Variants in IFRD1 observed in about 807,000 individuals in gnomAD.
The protein encoded by IFRD1 is interferon-related developmental regulator 1.
A neutral mutation model predicts 52.9 loss-of-function variants in IFRD1; 35 were observed. The ratio of observed to expected loss-of-function variants is 0.66; its 90% CI spans 0.51 to 0.88. IFRD1 has a LOEUF of 0.88. Among genes scored for constraint, IFRD1 ranks in the 40% least tolerant of loss-of-function variants. IFRD1 has a pLI of 0.00. For missense variants in IFRD1, 517 were observed against 550.8 expected, an observed-to-expected ratio of 0.94 and a Z score of 0.61; for synonymous variants, 184 against 188.4, an observed-to-expected ratio of 0.98 and a Z score of 0.19.
chr7:112,465,850 A>G (rs1478952836), intron 8 of IFRD1, among the ~76,000 whole-genome samples: 2 of 152,186 alleles, frequency 1.3e-5, no homozygotes, highest in South Asian at 2.1e-4. Context: ...TGAGTTCTAT[A>G]TACCTCCAAG....
At chr7:112,456,792 G>A in intron 3 of IFRD1, 122 bp from the exon 4 acceptor site, 1 of 872,550 alleles carries the variant, frequency 1.1e-6, no homozygotes, top group Non-Finnish European at 1.8e-6. Flanking sequence ...GTTAGAGCTT[G>A]ATGAGAATTA....
Position 112,472,352 on chromosome 7 carries a change from G to A in IFRD1, c.1170+5G>A. Reference sequence around the variant, plus strand: ...GGGATGCAGTACCACTTGCAGGTAAGTGTCATCCTTTCTACATATTTGCTT... The same window carrying A: ...GGGATGCAGTACCACTTGCAGGTAAATGTCATCCTTTCTACATATTTGCTT... On this transcript the variant is annotated splice_donor_5th_base_variant and intron_variant, in intron 10 of 11. Transcript: ENST00000403825. The A allele has an allele frequency of 6.2e-7, 1 of 1,613,964 alleles. No individual in the cohort carries two copies. Among genetic ancestry groups the A allele is most frequent in the Non-Finnish European group, 8.5e-7 (1 of 1,179,878 alleles).
rs145045176 is a variant in IFRD1, at chr7:112,445,114, T to A, written c.-181-5394T>A. On this transcript the variant is annotated intron_variant, in intron 1 of 12. Coordinates refer to the IFRD1 transcript ENST00000005558. ...CAGGGTCTCGCTCTGTCACCCAGGC[T>A]GGAGTGCAGTGGCGCAATCTCGGCT... Among the ~76,000 whole-genome samples the A allele has an allele frequency of 1.1e-3, 153 of 142,642 alleles. 3 individuals are homozygous for A. In the East Asian group the frequency reaches 0.028, roughly 26 times the overall value. The allele number at this position is 142,642 out of a possible 152,430, so 93.6% of individuals were successfully genotyped here. A position where few individuals can be genotyped will look rare whatever the true frequency, so the allele number is the denominator to read the frequency against.
chr7:112,444,930 A>G (rs1794981900), intron 1 of IFRD1, among the ~76,000 whole-genome samples: 1 of 152,122 alleles, frequency 6.6e-6, no homozygotes, highest in African/African-American at 2.4e-5. Flanking sequence ...TGTACATTAT[A>G]CCCTGAATCT....
intron 1 of IFRD1, among the ~76,000 whole-genome samples, chr7:112,455,217 C>T (rs967921540): frequency 1.3e-5 from 2 of 152,014 alleles, no homozygotes; most frequent in Non-Finnish European, 2.9e-5. Flanking sequence ...GGCTCAGTGG[C>T]TCACACCTGT....
chr7:112,468,079 G>A lies in IFRD1; in HGVS notation c.1005G>A (p.Gln335=), dbSNP rs1795658799. The change falls in exon 9 of 12, where the codon CAG becomes CAA. Residue 335 remains glutamine, a synonymous_variant. Coordinates refer to ENST00000403825, the MANE Select transcript of IFRD1 (RefSeq NM_001550.4). ...GGGCCAAAGTGGACAAGAGAAAGCAGCGGTCAGTTTTCAGAGATGTCCTGA... is the reference window on the plus strand; with the variant it reads ...GGGCCAAAGTGGACAAGAGAAAGCAACGGTCAGTTTTCAGAGATGTCCTGA... ...KHRAKVDKRK[Q]RSVFRDVLRA... is the part of the protein sequence containing the mutation. 1.9e-6 allele frequency: 3 copies of A among 1,613,972 alleles called. No individual in the cohort carries two copies. Among genetic ancestry groups the A allele is most frequent in the African/African-American group, 2.7e-5 (2 of 74,916 alleles).
chr7:112,425,310 T>G (rs1296798700), intron 1 of IFRD1, among the ~76,000 whole-genome samples: 1 of 152,168 alleles, frequency 6.6e-6, no homozygotes, highest in East Asian at 1.9e-4. Context: ...TTTGTGAGGT[T>G]TTCCAGAGAT....
chr7:112,461,194 A>G (rs1317599947), intron 5 of IFRD1: 2 of 152,174 alleles, frequency 1.3e-5, no homozygotes, highest in Non-Finnish European at 2.9e-5. Flanking sequence ...GGGAAGTTTG[A>G]AGACAATTAT....
chr7:112,437,887 A>G (rs1424423195), intron 1 of IFRD1, among the ~76,000 whole-genome samples: 1 of 152,192 alleles, frequency 6.6e-6, no homozygotes, highest in East Asian at 1.9e-4. Flanking sequence ...GACAGGGTCT[A>G]GACATATTTT....
chr7:112,452,869 G>A (rs1795199452), intron 1 of IFRD1, among the ~76,000 whole-genome samples: 1 of 152,326 alleles, frequency 6.6e-6, no homozygotes, highest in Admixed American at 6.5e-5. Flanking sequence ...CACAATACAT[G>A]CTTTGAATAT....
At position 112,454,337 on chromosome 7, in the gene IFRD1, C is replaced by T. The variant is rs778004463; in HGVS notation, c.95-1426C>T. Among the ~76,000 whole-genome samples the T allele has an allele frequency of 9.9e-5, 15 of 151,966 alleles. 1 individual carries two copies. Among genetic ancestry groups the T allele is most frequent in the South Asian group, 4.2e-4 (2 of 4,814 alleles). The stretch of plus-strand genomic sequence containing the variant: ...CCTCCCAATTAGCTGGGATTACAAG[C>T]GCCTGCCACCAGGGCCAGCTAATTT... On this transcript the variant is annotated intron_variant, in intron 1 of 11. Coordinates refer to ENST00000403825, the MANE Select transcript of IFRD1 (RefSeq NM_001550.4).
rs529299423 is a variant in IFRD1, at chr7:112,459,071, G to A, written c.567+53G>A. The A allele has an allele frequency of 8.4e-6, 12 of 1,434,746 alleles. No homozygotes were observed. In the East Asian group the frequency reaches 2.0e-4, roughly 24 times the overall value. 88.9% of individuals were successfully genotyped at this position (1,434,746 alleles called of 1,614,324 possible). A position where few individuals can be genotyped will look rare whatever the true frequency, so the allele number is the denominator to read the frequency against. ...ATCTGTCTATTCATGACACCCAGAC[G>A]TGGTGCGCCTATAGTACTGTACCAG... On this transcript the variant is annotated intron_variant, in intron 5 of 11. Transcript: ENST00000403825.
chr7:112,441,778 C>T (rs1243935852), intron 1 of IFRD1, among the ~76,000 whole-genome samples: 1 of 152,192 alleles, frequency 6.6e-6, no homozygotes, highest in Non-Finnish European at 1.5e-5. Flanking sequence ...AGACTAGGAA[C>T]TTTATGAGGC....
At chr7:112,460,241 G>GTTTTTTTTTT (rs35314166) in intron 5 of IFRD1, among the ~76,000 whole-genome samples, 1 of 92,950 alleles carries the variant, frequency 1.1e-5, no homozygotes, top group Non-Finnish European at 2.0e-5. Context: ...CAGTCCTAGG[G>GTTTTTTTTTT]TTTTTTTTTT....
Position 112,472,891 on chromosome 7 carries a change from T to C in IFRD1, c.1266+30T>C, listed in dbSNP as rs775866457. 6.3e-6 allele frequency: 9 copies of C among 1,436,458 alleles called. No homozygotes were observed. The South Asian group carries it at 9.1e-5, about 15-fold the overall frequency. The allele number at this position is 1,436,458 out of a possible 1,614,324, so 89.0% of individuals were successfully genotyped here. A position where few individuals can be genotyped will look rare whatever the true frequency, so the allele number is the denominator to read the frequency against. On this transcript the variant is annotated intron_variant, in intron 11 of 11. Coordinates refer to ENST00000403825, the MANE Select transcript of IFRD1 (RefSeq NM_001550.4). ...GTTTTGTTTTTATTTTTAATAAAAC[T>C]AAGTGCGCCAAAGCTTTGATTCTGT...
Position 112,472,296 on chromosome 7 carries a change from C to G in IFRD1, c.1119C>G (p.Thr373=). 2 of 1,613,974 alleles carry G rather than the reference C, an allele frequency of 1.2e-6. No individual in the cohort carries two copies. Among genetic ancestry groups the G allele is most frequent in the Non-Finnish European group, 1.7e-6 (2 of 1,179,882 alleles). The change falls in exon 10 of 12, where the codon ACC becomes ACG. Residue 373 remains threonine (T), a synonymous_variant. Coordinates refer to ENST00000403825, the MANE Select transcript of IFRD1 (RefSeq NM_001550.4). ...TTGATTGCTGGGTAAAAAAACACAC[C>G]TATGACACCTTTAAGGAGGTTCTTG... ...MYIDCWVKKH[T]YDTFKEVLGS...
At chr7:112,446,824 T>C (rs1274883700), upstream of IFRD1, among the ~76,000 whole-genome samples, 1 of 152,058 alleles carries the variant, frequency 6.6e-6, no homozygotes, top group Non-Finnish European at 1.5e-5. Context: ...AGATGCAATA[T>C]GGAGAGAGAG....
chr7:112,466,288 T>C (rs1030977241), intron 8 of IFRD1, among the ~76,000 whole-genome samples: 3 of 152,326 alleles, frequency 2.0e-5, no homozygotes, highest in African/African-American at 7.2e-5. Context: ...ATAGAGTCTT[T>C]TTTCTAAACT....
intron 9 of IFRD1, among the ~76,000 whole-genome samples, chr7:112,471,398 G>A (rs544530433): frequency 6.6e-6 from 1 of 152,246 alleles, no homozygotes; most frequent in Non-Finnish European, 1.5e-5. Context: ...GAGTGAGAAG[G>A]GGCTGAGGTA....
Sources: gnomAD v4.1 joint callset for allele counts (sites outside exome capture counted in the v4.1 genomes callset) on GRCh38, gnomAD v4.1.1 for gene constraint, MANE v1.5 for transcripts, NCBI Gene and HGNC (gene_info 2026-07-23, HGNC 2026-07-21) for gene names.